CDH4: variants seen among roughly 807,000 people sequenced by gnomAD.
The protein encoded by CDH4 is cadherin-4.
In CDH4, 33 loss-of-function variants were observed where a neutral mutation model predicts 86.0. The ratio of observed to expected loss-of-function variants is 0.38; its 90% CI spans 0.29 to 0.51. The LOEUF is 0.51. Among genes scored for constraint, CDH4 ranks in the 20% least tolerant of loss-of-function variants. CDH4 has a pLI of 0.86. For missense variants in CDH4, 1,114 were observed against 1,307.4 expected (o/e 0.85, Z 2.28); for synonymous variants, 555 against 549.4 (o/e 1.01, Z -0.14).
intron 2 of CDH4, among the ~76,000 whole-genome samples, chr20:61,338,353 C>A (rs2084631080): frequency 6.6e-6 from 1 of 152,232 alleles, no homozygotes; most frequent in Non-Finnish European, 1.5e-5. Flanking sequence ...ACCTAAAAAT[C>A]TCAAAAGGGA....
chr20:61,303,995 C>T (rs2123209509), intron 2 of CDH4, among the ~76,000 whole-genome samples: 1 of 152,244 alleles, frequency 6.6e-6, no homozygotes, highest in South Asian at 2.1e-4. Flanking sequence ...GTTAACACGG[C>T]CGTAGGGATA....
chr20:61,277,848 C>T (rs575242076), intron 2 of CDH4, among the ~76,000 whole-genome samples: 130 of 152,252 alleles, frequency 8.5e-4, no homozygotes, highest in African/African-American at 2.7e-3. Flanking sequence ...GCTTTCTGTG[C>T]GGTGTAGCTC....
intron 11 of CDH4, among the ~76,000 whole-genome samples, chr20:61,925,240 C>T (rs1307151159): frequency 1.3e-5 from 2 of 152,194 alleles, no homozygotes; most frequent in African/African-American, 4.8e-5. Context: ...GCAGCCACCC[C>T]TTCCTGGACC....
At chr20:61,335,315 T>G (rs1236863839) in intron 2 of CDH4, among the ~76,000 whole-genome samples, 1 of 152,200 alleles carries the variant, frequency 6.6e-6, no homozygotes, top group African/African-American at 2.4e-5. Context: ...GTTCAAAAAC[T>G]TAGGAATAAG....
intron 2 of CDH4, among the ~76,000 whole-genome samples, chr20:61,481,290 C>T (rs2085566846): frequency 1.3e-5 from 2 of 152,174 alleles, no homozygotes; most frequent in South Asian, 2.1e-4. Context: ...CCTGCAACAC[C>T]CAGGACAACC....
At position 61,323,681 on chromosome 20, in the gene CDH4, AT is replaced by A. The variant is rs1368541315; in HGVS notation, c.169+68745del. 1.3e-4 allele frequency among the ~76,000 whole-genome samples: 20 copies of A among 152,142 alleles called. No individual in the cohort carries two copies. In the South Asian group the frequency reaches 3.3e-3, roughly 25 times the overall value. Reference sequence around the variant, plus strand: ...GTTCGGCAATCAGAGCACATTCTGGATGCTTGGGTTTCTAGGTTGGGGCCAC... The same window carrying A: ...GTTCGGCAATCAGAGCACATTCTGGAGCTTGGGTTTCTAGGTTGGGGCCAC... On this transcript the variant is annotated intron_variant, in intron 2 of 15. Transcript: ENST00000614565.
chr20:61,843,692 A>C (rs1447883764), intron 4 of CDH4, among the ~76,000 whole-genome samples: 1 of 45,210 alleles, frequency 2.2e-5, no homozygotes, highest in East Asian at 4.5e-4. Flanking sequence ...GTCTCTAAAA[A>C]AAAAAAAAAA....
At chr20:61,873,212 G>T (rs1032448848) in intron 6 of CDH4, among the ~76,000 whole-genome samples, 2 of 152,168 alleles carry the variant, frequency 1.3e-5, no homozygotes, top group Non-Finnish European at 2.9e-5. Context: ...CCTGCTCAGA[G>T]TCCCTTCTAG....
chr20:61,303,981 G>C (rs1040749519), intron 2 of CDH4, among the ~76,000 whole-genome samples: 50 of 152,134 alleles, frequency 3.3e-4, no homozygotes, highest in Non-Finnish European at 6.5e-4. Flanking sequence ...CTGTTCTTCT[G>C]AAGGTTAACA....
chr20:61,431,516 C>T (rs1359465939), intron 2 of CDH4, among the ~76,000 whole-genome samples: 11 of 151,854 alleles, frequency 7.2e-5, no homozygotes, highest in Non-Finnish European at 1.0e-4. Flanking sequence ...CATGCCACCA[C>T]GCCTGGGTAA....
intron 2 of CDH4, among the ~76,000 whole-genome samples, chr20:61,621,937 A>G (rs2086781620): frequency 6.6e-6 from 1 of 152,248 alleles, no homozygotes; most frequent in Admixed American, 6.5e-5. Flanking sequence ...TAATTATTAA[A>G]ATAGGCTCCT....
chr20:61,801,993 C>T (rs1174327640), intron 4 of CDH4, among the ~76,000 whole-genome samples: 5 of 152,250 alleles, frequency 3.3e-5, no homozygotes, highest in African/African-American at 1.2e-4. Context: ...GCCTTGCTGC[C>T]ATAAGAGAAT....
At chr20:61,618,907 G>A (rs759378853) in intron 2 of CDH4, among the ~76,000 whole-genome samples, 5 of 152,202 alleles carry the variant, frequency 3.3e-5, no homozygotes, top group Admixed American at 1.3e-4. Context: ...CAAGAAGAGC[G>A]TGCAGGCTGG....
rs148928034 is a variant in CDH4 at position 61,820,951 on chromosome 20, G to T, written c.577-23717G>T. On this transcript the variant is annotated intron_variant, in intron 4 of 15. Coordinates refer to ENST00000614565, the MANE Select transcript of CDH4 (RefSeq NM_001794.5). ...GTGAAATAAAAATCCTTAAAATCCT[G>T]TTGTGTCCTGGGCTCCAGGTACAGT... 3.9e-5 allele frequency among the ~76,000 whole-genome samples: 6 copies of T among 152,176 alleles called. No homozygotes were observed. The East Asian group carries it at 1.2e-3, about 29-fold the overall frequency.
chr20:61,277,770 C>T (rs1455966972), intron 2 of CDH4, among the ~76,000 whole-genome samples: 1 of 152,204 alleles, frequency 6.6e-6, no homozygotes, highest in Non-Finnish European at 1.5e-5. Context: ...GTATCCAGAG[C>T]ATAATTGGAT....
intron 2 of CDH4, among the ~76,000 whole-genome samples, chr20:61,574,408 G>A (rs1236097119): frequency 1.3e-5 from 2 of 152,218 alleles, no homozygotes; most frequent in Non-Finnish European, 2.9e-5. Flanking sequence ...GGAGCACCTC[G>A]AGGGGAGAGA....
In CDH4 at chr20:61,392,803, C is replaced by T. The variant is rs1215928006; in HGVS notation, c.169+137866C>T. Among the ~76,000 whole-genome samples, 1 of 152,142 alleles carries T rather than the reference C, an allele frequency of 6.6e-6. No homozygotes were observed. The highest frequency in any genetic ancestry group is 1.5e-5 in the Non-Finnish European group (1 of 68,018). On this transcript the variant is annotated intron_variant, in intron 2 of 15. Transcript: ENST00000614565. The surrounding 1 kb of genome is among the most constrained non-coding windows in gnomAD (Gnocchi z 5.7). Reference sequence around the variant, plus strand: ...TTCCTAGCGGGGTAGAAACACTGGCCCCCCACGGTGCTCTAGAAATGTCAG... The same window carrying T: ...TTCCTAGCGGGGTAGAAACACTGGCTCCCCACGGTGCTCTAGAAATGTCAG...
At chr20:61,766,327 C>T (rs1054417360) in intron 3 of CDH4, among the ~76,000 whole-genome samples, 34 of 152,248 alleles carry the variant, frequency 2.2e-4, no homozygotes, top group African/African-American at 7.2e-4. Context: ...TCGCCTGCCC[C>T]CCAGCCCTAG....
At position 61,314,826 on chromosome 20, in the gene CDH4, C is replaced by T. The variant is rs117206707; in HGVS notation, c.169+59889C>T. ...GTCGTTTTGACAGTAGCCGTCCTAACAAGTGTGCGATGACAGCGCATTGTG... is the reference window on the plus strand; with the variant it reads ...GTCGTTTTGACAGTAGCCGTCCTAATAAGTGTGCGATGACAGCGCATTGTG... On this transcript the variant is annotated intron_variant, in intron 2 of 15. Transcript: ENST00000614565. Among the ~76,000 whole-genome samples, 709 of 152,318 alleles carry T rather than the reference C, an allele frequency of 4.7e-3. 4 individuals carry two copies. The highest frequency in any genetic ancestry group is 0.017 in the Middle Eastern group (5 of 294).
Sources: allele counts gnomAD v4.1 joint callset (sites outside exome capture counted in the v4.1 genomes callset), GRCh38; gene constraint gnomAD v4.1.1; non-coding constraint Gnocchi (gnomAD v3.1); transcripts MANE v1.5; gene names NCBI Gene and HGNC (gene_info 2026-07-23, HGNC 2026-07-21).